ZC3H12B: variants seen among roughly 807,000 people sequenced by gnomAD.
ZC3H12B encodes the protein probable ribonuclease ZC3H12B.
In ZC3H12B, 7 loss-of-function variants were observed where a neutral mutation model predicts 43.9. The ratio of observed to expected loss-of-function variants is 0.16; its 90% CI spans 0.09 to 0.30. The LOEUF (loss-of-function observed/expected upper bound fraction) is 0.30. ZC3H12B is among the 10% of genes least tolerant of loss of function. The probability of loss-of-function intolerance (pLI) is 1.00; values close to 1 mark genes in which losing one functional copy is unlikely to be tolerated. For missense variants in ZC3H12B, 475 were observed against 670.2 expected, an observed-to-expected ratio of 0.71 and a Z score of 3.22; for synonymous variants, 222 against 241.7, an observed-to-expected ratio of 0.92 and a Z score of 0.76.
At chrX:65,298,349 A>T in the ZC3H12B span, among the ~76,000 whole-genome samples, 1 of 112,027 alleles carries the variant, frequency 8.9e-6, no homozygotes, top group Non-Finnish European at 1.9e-5. Context: ...TTAACTAGAC[A>T]AAAATGAAAA....
chrX:65,204,341 A>G, the ZC3H12B span, among the ~76,000 whole-genome samples: 3 of 111,805 alleles, frequency 2.7e-5, no homozygotes, highest in East Asian at 2.8e-4. Context: ...GAATTATTCT[A>G]TTCTTAAATG....
the ZC3H12B span, among the ~76,000 whole-genome samples, chrX:65,056,509 A>G: frequency 8.9e-6 from 1 of 111,750 alleles, no homozygotes; most frequent in South Asian, 3.7e-4. Flanking sequence ...TTTACTTCCA[A>G]CTATGTGGTC....
chrX:65,364,458 G>A (rs1255325876), upstream of ZC3H12B, among the ~76,000 whole-genome samples: 1 of 106,606 alleles, frequency 9.4e-6, no homozygotes, highest in African/African-American at 3.5e-5. Flanking sequence ...GCCATCAAAA[G>A]GCATCAGATC....
chrX:65,255,012 TA>T, the ZC3H12B span, among the ~76,000 whole-genome samples: 7 of 109,941 alleles, frequency 6.4e-5, no homozygotes, highest in African/African-American at 2.3e-4. Context: ...AAAATAAAAA[TA>T]AAAAATAAAT....
the ZC3H12B span, among the ~76,000 whole-genome samples, chrX:65,224,591 A>G: frequency 8.9e-6 from 1 of 112,690 alleles, no homozygotes; most frequent in Admixed American, 9.3e-5. Flanking sequence ...CTCGGGAAGC[A>G]CAAGGGGTCG....
chrX:65,430,161 T>G (rs997164403), intron 3 of ZC3H12B, among the ~76,000 whole-genome samples: 3 of 111,542 alleles, frequency 2.7e-5, no homozygotes, highest in African/African-American at 9.8e-5. Flanking sequence ...CCAGATTATG[T>G]AAAGCTCATG....
At chrX:65,310,198 G>A in the ZC3H12B span, among the ~76,000 whole-genome samples, 5 of 111,898 alleles carry the variant, frequency 4.5e-5, no homozygotes, top group East Asian at 8.4e-4. Context: ...TAGGAAAAGA[G>A]GAAGTCAAAT....
chrX:65,327,533 G>A, the ZC3H12B span, among the ~76,000 whole-genome samples: 2 of 111,274 alleles, frequency 1.8e-5, no homozygotes, highest in Admixed American at 1.9e-4. Flanking sequence ...AAACATGGAT[G>A]ACTTGCAAAG....
the ZC3H12B span, among the ~76,000 whole-genome samples, chrX:65,320,205 G>T: frequency 1.8e-5 from 2 of 111,597 alleles, no homozygotes; most frequent in African/African-American, 6.5e-5. Context: ...AAAAGTCTCA[G>T]GATACAAAGA....
the ZC3H12B span, among the ~76,000 whole-genome samples, chrX:65,181,111 G>T: frequency 2.0e-4 from 22 of 111,075 alleles, no homozygotes; most frequent in Non-Finnish European, 1.9e-5. Flanking sequence ...CATCTACAAT[G>T]ATTTGGTCTT....
At chrX:65,456,851 G>A (rs2067623833) in intron 3 of ZC3H12B, among the ~76,000 whole-genome samples, 2 of 109,391 alleles carry the variant, frequency 1.8e-5, no homozygotes, top group Non-Finnish European at 3.8e-5. Context: ...TGCAGCCTCT[G>A]CCCAGCCGCC....
the ZC3H12B span, among the ~76,000 whole-genome samples, chrX:65,330,360 T>C: frequency 1.8e-5 from 2 of 111,641 alleles, no homozygotes; most frequent in East Asian, 2.8e-4. Flanking sequence ...ACAGAGACAA[T>C]TTGACTTCCT....
the ZC3H12B span, among the ~76,000 whole-genome samples, chrX:65,220,405 A>G: frequency 8.9e-6 from 1 of 112,127 alleles, no homozygotes; most frequent in African/African-American, 3.2e-5. Context: ...TAAAAGATAC[A>G]GAATGGCCGA....
At chrX:65,049,782 T>G in the ZC3H12B span, among the ~76,000 whole-genome samples, 1 of 111,891 alleles carries the variant, frequency 8.9e-6, no homozygotes, top group African/African-American at 3.2e-5. Flanking sequence ...TTAACATTAT[T>G]AAGTCTTCCA....
At chrX:65,332,700 A>G in the ZC3H12B span, among the ~76,000 whole-genome samples, 5 of 112,099 alleles carry the variant, frequency 4.5e-5, no homozygotes, top group African/African-American at 1.6e-4. Flanking sequence ...CAGAAAAAAG[A>G]AACTCAAAAA....
At chrX:65,287,252 A>G in the ZC3H12B span, among the ~76,000 whole-genome samples, 2 of 111,883 alleles carry the variant, frequency 1.8e-5, no homozygotes, top group Admixed American at 1.9e-4. Context: ...TTATCAGCAC[A>G]TGGAACATTC....
the ZC3H12B span, among the ~76,000 whole-genome samples, chrX:65,235,640 G>A: frequency 3.1e-4 from 34 of 111,171 alleles, no homozygotes; most frequent in Non-Finnish European, 5.5e-4. Flanking sequence ...GCCTGGTCAG[G>A]CTGCAAGCAG....
At chrX:65,469,420 G>T in intron 3 of ZC3H12B, 1 of 464,389 alleles carries the variant, frequency 2.2e-6, no homozygotes, top group East Asian at 4.0e-5. Context: ...TTTCTGTCGG[G>T]AATGCCAGAG....
At chrX:65,375,293 G>T (rs2066331092) in intron 2 of ZC3H12B, among the ~76,000 whole-genome samples, 2 of 112,020 alleles carry the variant, frequency 1.8e-5, no homozygotes, top group African/African-American at 6.5e-5. Context: ...ATCCATCCCA[G>T]CAGTTGGAAT....
Sources: gnomAD v4.1 joint callset for allele counts (sites outside exome capture counted in the v4.1 genomes callset) on GRCh38, gnomAD v4.1.1 for gene constraint, MANE v1.5 for transcripts, NCBI Gene and HGNC (gene_info 2026-07-23, HGNC 2026-07-21) for gene names.